SHISA6: variants seen among roughly 807,000 people sequenced by gnomAD.
SHISA6 encodes protein shisa-6.
SHISA6 carries 22 observed loss-of-function variants against 47.9 expected under a neutral mutation model. That is an observed-to-expected ratio of 0.46 (90% CI 0.33 to 0.66). The LOEUF is 0.66. Ranked by LOEUF, SHISA6 falls within the 30% of genes least tolerant of loss-of-function variation. The pLI, the probability that SHISA6 is intolerant of heterozygous loss-of-function variation, is 0.02. For synonymous variants in SHISA6, 388 were observed against 337.8 expected, an observed-to-expected ratio of 1.15 and a Z score of -1.63; for missense variants, 680 against 764.6, an observed-to-expected ratio of 0.89 and a Z score of 1.30.
chr17:11,323,677 AT>A (rs5819312), intron 2 of SHISA6, among the ~76,000 whole-genome samples: 40,692 of 139,020 alleles, frequency 0.29, 6,403 homozygotes, highest in Non-Finnish European at 0.37. Context: ...TAAAATAATA[AT>A]AATAATAATA....
intron 2 of SHISA6, among the ~76,000 whole-genome samples, chr17:11,281,950 ACAT>A (rs1909133785): frequency 6.6e-6 from 1 of 152,230 alleles, no homozygotes; most frequent in African/African-American, 2.4e-5. Context: ...CGTTGATGTG[ACAT>A]TTAAGTAAGC....
At chr17:11,348,770 C>G (rs78286535) in intron 2 of SHISA6, among the ~76,000 whole-genome samples, 1 of 152,080 alleles carries the variant, frequency 6.6e-6, no homozygotes, top group African/African-American at 2.4e-5. Flanking sequence ...CACTCGAGAT[C>G]CTAAGTAGTA....
intron 3 of SHISA6, among the ~76,000 whole-genome samples, chr17:11,473,849 T>A (rs1476840651): frequency 6.6e-6 from 1 of 152,050 alleles, no homozygotes; most frequent in Admixed American, 6.6e-5. Flanking sequence ...TATCAACCCA[T>A]CATCTAGGTT....
intron 3 of SHISA6, among the ~76,000 whole-genome samples, chr17:11,443,123 C>G (rs185576314): frequency 6.6e-6 from 1 of 152,212 alleles, no homozygotes. Flanking sequence ...TTGTGACACA[C>G]GTACTTGACC....
intron 3 of SHISA6, among the ~76,000 whole-genome samples, chr17:11,407,325 C>T (rs1211495098): frequency 6.6e-6 from 1 of 151,910 alleles, no homozygotes; most frequent in Non-Finnish European, 1.5e-5. Context: ...GTCTGTGTTC[C>T]CCATCGCTGT....
intron 3 of SHISA6, among the ~76,000 whole-genome samples, chr17:11,540,428 G>A (rs2071823705): frequency 6.6e-6 from 1 of 152,094 alleles, no homozygotes; most frequent in Non-Finnish European, 1.5e-5. Context: ...AAAGATCAGA[G>A]GACCCTGTGT....
chr17:11,436,379 A>G (rs1379926365), intron 3 of SHISA6, among the ~76,000 whole-genome samples: 3 of 152,294 alleles, frequency 2.0e-5, no homozygotes, highest in Middle Eastern at 6.8e-3. Flanking sequence ...CAAGCAAACT[A>G]ATACAGACAC....
intron 3 of SHISA6, among the ~76,000 whole-genome samples, chr17:11,390,158 G>C (rs1301081791): frequency 5.3e-5 from 8 of 152,198 alleles, no homozygotes; most frequent in Non-Finnish European, 1.2e-4. Context: ...ACTCCAAATA[G>C]TAACGTAAAT....
At chr17:11,398,504 A>T (rs749175407) in intron 3 of SHISA6, among the ~76,000 whole-genome samples, 3 of 152,168 alleles carry the variant, frequency 2.0e-5, no homozygotes, top group Non-Finnish European at 2.9e-5. Context: ...GCATGTAATC[A>T]ATACTCTGAC....
intron 3 of SHISA6, among the ~76,000 whole-genome samples, chr17:11,412,456 A>G (rs1156423427): frequency 1.3e-5 from 2 of 152,174 alleles, no homozygotes; most frequent in Non-Finnish European, 2.9e-5. Context: ...TATGATTTTC[A>G]TGTTAAAACC....
At chr17:11,339,965 A>G (rs144157826) in intron 2 of SHISA6, among the ~76,000 whole-genome samples, 1 of 152,236 alleles carries the variant, frequency 6.6e-6, no homozygotes, top group Non-Finnish European at 1.5e-5. Flanking sequence ...AGGACCCTAG[A>G]TGACCCAGCA....
intron 4 of SHISA6, 58 bp from the exon 5 acceptor site, chr17:11,555,682 C>T: frequency 1.4e-6 from 2 of 1,452,746 alleles, no homozygotes; most frequent in Admixed American, 2.7e-5. Context: ...AGGCAGAAAG[C>T]ACACCTGCCA....
In SHISA6 at chr17:11,466,390, A is replaced by C. The variant is rs138942250; in HGVS notation, c.896-85506A>C. 3.3e-3 allele frequency among the ~76,000 whole-genome samples: 499 copies of C among 152,252 alleles called. 6 individuals carry two copies. The highest frequency in any genetic ancestry group is 0.011 in the African/African-American group (475 of 41,556). On this transcript the variant is annotated intron_variant, in intron 3 of 5. Coordinates refer to ENST00000441885, the MANE Select transcript of SHISA6 (RefSeq NM_207386.4). Reference sequence around the variant, plus strand: ...AGCTTGAGGAAGGGGAATAGTCCTGAAAGAGGCAAGCAGCCCCCCACCCAA... The same window carrying C: ...AGCTTGAGGAAGGGGAATAGTCCTGCAAGAGGCAAGCAGCCCCCCACCCAA...
chr17:11,476,646 T>A (rs748653203), intron 3 of SHISA6, among the ~76,000 whole-genome samples: 7 of 151,608 alleles, frequency 4.6e-5, no homozygotes, highest in Non-Finnish European at 7.4e-5. Context: ...AGATGTTATG[T>A]TAAATTCATT....
intron 3 of SHISA6, among the ~76,000 whole-genome samples, chr17:11,432,696 C>G (rs1382713308): frequency 6.6e-6 from 1 of 152,046 alleles, no homozygotes; most frequent in African/African-American, 2.4e-5. Context: ...CATACAATAA[C>G]ATATGTCTAC....
At chr17:11,320,659 C>T (rs1567571825) in intron 2 of SHISA6, among the ~76,000 whole-genome samples, 1 of 79,468 alleles carries the variant, frequency 1.3e-5, no homozygotes, top group Non-Finnish European at 3.4e-5. Flanking sequence ...ACTCCATCAC[C>T]AAAAAAAAAA....
intron 2 of SHISA6, among the ~76,000 whole-genome samples, chr17:11,265,956 T>A (rs1468846963): frequency 6.6e-6 from 1 of 152,210 alleles, no homozygotes; most frequent in Non-Finnish European, 1.5e-5. Flanking sequence ...TTTCTCAAAT[T>A]GGAACTCTTC....
intron 1 of SHISA6, among the ~76,000 whole-genome samples, chr17:11,253,036 A>G (rs1424242801): frequency 1.3e-5 from 2 of 152,324 alleles, no homozygotes; most frequent in Non-Finnish European, 2.9e-5. Context: ...GAAGAAGAAT[A>G]TATCGGGCTT....
intron 3 of SHISA6, among the ~76,000 whole-genome samples, chr17:11,402,671 C>T (rs567897984): frequency 2.0e-5 from 3 of 152,250 alleles, no homozygotes; most frequent in African/African-American, 7.2e-5. Context: ...TGTCATTGGC[C>T]ACAGCAAGTC....
Sources: gnomAD v4.1 joint callset for allele counts (sites outside exome capture counted in the v4.1 genomes callset) on GRCh38, gnomAD v4.1.1 for gene constraint, MANE v1.5 for transcripts, NCBI Gene and HGNC (gene_info 2026-07-23, HGNC 2026-07-21) for gene names.